DLGAP1: variants seen among roughly 807,000 people sequenced by gnomAD.
DLGAP1 encodes the protein disks large-associated protein 1.
A neutral mutation model predicts 90.8 loss-of-function variants in DLGAP1; 11 were observed. That is an observed-to-expected ratio of 0.12 (90% CI 0.08 to 0.20). DLGAP1 has a LOEUF of 0.20. Ranked by LOEUF, DLGAP1 falls within the 10% of genes least tolerant of loss-of-function variation. The pLI, the probability that DLGAP1 is intolerant of heterozygous loss-of-function variation, is 1.00. For synonymous variants in DLGAP1, 558 were observed against 540.7 expected (o/e 1.03, Z -0.44); for missense variants, 1,050 against 1,333.8 (o/e 0.79, Z 3.31).
intron 5 of DLGAP1, among the ~76,000 whole-genome samples, chr18:3,785,177 A>G (rs141922203): frequency 7.2e-5 from 11 of 152,278 alleles, no homozygotes. Context: ...GTAACAAATT[A>G]CCACAAGCTT....
In DLGAP1 at chr18:4,378,065, A is replaced by T. The variant is rs1308850109; in HGVS notation, c.-267+76941T>A. Among the ~76,000 whole-genome samples, 2 of 149,146 alleles carry T rather than the reference A, an allele frequency of 1.3e-5. No individual in the cohort carries two copies. The highest frequency in any genetic ancestry group is 2.4e-5 in the African/African-American group (1 of 40,944). On this transcript the variant is annotated intron_variant, in intron 1 of 12. Transcript: ENST00000315677. The surrounding 1 kb of genome is among the most constrained non-coding windows in gnomAD (Gnocchi z 4.5). Reference sequence around the variant, plus strand: ...GTGTTTTTATATATACATATTATAAAATATATATATCACTTTTCAATCTTT... The same window carrying T: ...GTGTTTTTATATATACATATTATAATATATATATATCACTTTTCAATCTTT...
intron 7 of DLGAP1, among the ~76,000 whole-genome samples, chr18:3,640,101 AT>A (rs895226699): frequency 3.3e-5 from 5 of 151,774 alleles, no homozygotes; most frequent in Admixed American, 2.0e-4. Flanking sequence ...AGGGTACATT[AT>A]TTTTTTTCCG....
chr18:3,763,761 A>C (rs1488272383), intron 5 of DLGAP1, among the ~76,000 whole-genome samples: 1 of 151,418 alleles, frequency 6.6e-6, no homozygotes, highest in Non-Finnish European at 1.5e-5. Context: ...TCTCCCAGGT[A>C]CAAGCGATTA....
At chr18:4,417,345 TTTA>T (rs773957532) in intron 1 of DLGAP1, among the ~76,000 whole-genome samples, 16 of 152,262 alleles carry the variant, frequency 1.1e-4, no homozygotes, top group Admixed American at 9.2e-4. Flanking sequence ...ATATAATGGG[TTTA>T]TTATTATTTT....
intron 7 of DLGAP1, among the ~76,000 whole-genome samples, chr18:3,648,282 G>A (rs577430086): frequency 1.4e-4 from 22 of 152,234 alleles, no homozygotes; most frequent in African/African-American, 4.6e-4. Flanking sequence ...AACCCATAAC[G>A]TATGCTCTTT....
At chr18:4,304,729 G>A (rs11660568) in intron 1 of DLGAP1, among the ~76,000 whole-genome samples, 1 of 151,946 alleles carries the variant, frequency 6.6e-6, no homozygotes, top group East Asian at 1.9e-4. Flanking sequence ...TCAGGAGTTC[G>A]AGACCAGCCT....
At chr18:4,168,747 T>C (rs1187085674) in intron 1 of DLGAP1, among the ~76,000 whole-genome samples, 3 of 152,082 alleles carry the variant, frequency 2.0e-5, no homozygotes, top group Admixed American at 6.5e-5. Context: ...TTTAAGTAAA[T>C]GATTAATTTA....
chr18:4,407,520 C>T lies in DLGAP1; in HGVS notation c.-267+47486G>A, dbSNP rs557574526. On this transcript the variant is annotated intron_variant, in intron 1 of 12. Coordinates refer to ENST00000315677, the MANE Select transcript of DLGAP1 (RefSeq NM_004746.4). Reference sequence around the variant, plus strand: ...AACAGAACCTAGCATTGGCATTAGGCTTGGCTATGCTCCCTAGGAGCTTTC... The same window carrying T: ...AACAGAACCTAGCATTGGCATTAGGTTTGGCTATGCTCCCTAGGAGCTTTC... Among the ~76,000 whole-genome samples the T allele has an allele frequency of 2.1e-4, 32 of 152,304 alleles. 1 individual carries two copies. Among genetic ancestry groups the T allele is most frequent in the African/African-American group, 7.7e-4 (32 of 41,564 alleles).
rs116363012 is a variant in DLGAP1, at chr18:3,877,396, C to T, written c.957+1716G>A. ...AGATCCATACACAGCATCCTTTACT[C>T]TGATACTTCTCATCTAATCTCATCA... On this transcript the variant is annotated intron_variant, in intron 4 of 12. Transcript: ENST00000315677. Among the ~76,000 whole-genome samples the T allele has an allele frequency of 3.4e-3, 519 of 152,322 alleles. 4 individuals carry two copies. Among genetic ancestry groups the T allele is most frequent in the African/African-American group, 0.012 (483 of 41,582 alleles).
At chr18:4,433,560 A>T (rs2083335735) in intron 1 of DLGAP1, among the ~76,000 whole-genome samples, 1 of 152,208 alleles carries the variant, frequency 6.6e-6, no homozygotes, top group African/African-American at 2.4e-5. Context: ...CATAGTAGGC[A>T]CTGTTATAGT....
At chr18:3,909,783 A>G (rs1447803112) in intron 3 of DLGAP1, among the ~76,000 whole-genome samples, 1 of 152,170 alleles carries the variant, frequency 6.6e-6, no homozygotes, top group East Asian at 1.9e-4. Flanking sequence ...GACACTTTCA[A>G]TGAACTTCAC....
chr18:3,669,159 A>T (rs1791393), intron 7 of DLGAP1, among the ~76,000 whole-genome samples: 92,250 of 145,804 alleles, frequency 0.63, 32,161 homozygotes, highest in African/African-American at 0.89. Context: ...GCAGACTGGT[A>T]TTAGGGTTCC....
At chr18:3,884,001 G>A (rs1352872317) in intron 3 of DLGAP1, among the ~76,000 whole-genome samples, 2 of 152,138 alleles carry the variant, frequency 1.3e-5, no homozygotes, top group African/African-American at 4.8e-5. Flanking sequence ...GACTCTTGAA[G>A]GGACAAAAAA....
intron 5 of DLGAP1, among the ~76,000 whole-genome samples, chr18:3,765,125 T>A (rs920209168): frequency 7.5e-6 from 1 of 133,830 alleles, no homozygotes; most frequent in Non-Finnish European, 1.5e-5. Flanking sequence ...AACTTTTTTT[T>A]TTTTCTTTTT....
intron 1 of DLGAP1, among the ~76,000 whole-genome samples, chr18:4,179,786 C>T (rs6506191): frequency 0.41 from 61,899 of 152,028 alleles, 13,127 homozygotes; most frequent in East Asian, 0.69. Flanking sequence ...CTTCTGGCAA[C>T]TTGAAATCTT....
At chr18:4,334,941 T>C (rs150512401) in intron 1 of DLGAP1, among the ~76,000 whole-genome samples, 4 of 151,982 alleles carry the variant, frequency 2.6e-5, no homozygotes, top group Admixed American at 6.5e-5. Flanking sequence ...ACAAGCTTGG[T>C]AGTATTTACA....
Position 4,269,444 on chromosome 18 carries a change from G to C in DLGAP1, c.-266-118157C>G, listed in dbSNP as rs928867489. ...TCTCAGCTCACTGCAAGCTCTGCCT[G>C]CCGGGCTCACGCCATTCTCCTGCCT... On this transcript the variant is annotated intron_variant, in intron 1 of 12. Transcript: ENST00000315677. Among the ~76,000 whole-genome samples the C allele has an allele frequency of 4.7e-4, 71 of 150,364 alleles. 1 individual carries two copies. Among genetic ancestry groups the C allele is most frequent in the African/African-American group, 1.1e-3 (46 of 41,072 alleles).
At chr18:3,505,016 A>G (rs1436337084) in intron 11 of DLGAP1, among the ~76,000 whole-genome samples, 1 of 152,162 alleles carries the variant, frequency 6.6e-6, no homozygotes, top group Admixed American at 6.5e-5. Context: ...TCTAGTTAGG[A>G]TAATGAGTAA....
intron 1 of DLGAP1, among the ~76,000 whole-genome samples, chr18:4,191,421 C>G (rs945705070): frequency 6.6e-6 from 1 of 152,162 alleles, no homozygotes; most frequent in African/African-American, 2.4e-5. Context: ...TATAGTACTT[C>G]CATAAGATTT....
Sources: gnomAD v4.1 joint callset for allele counts (sites outside exome capture counted in the v4.1 genomes callset) on GRCh38, gnomAD v4.1.1 for gene constraint, Gnocchi (gnomAD v3.1) non-coding constraint, MANE v1.5 for transcripts, NCBI Gene and HGNC (gene_info 2026-07-23, HGNC 2026-07-21) for gene names.